Variants in FBXO15 observed in about 807,000 individuals in gnomAD.
FBXO15 encodes the protein F-box only protein 15.
Under a neutral mutation model 49.5 loss-of-function variants are expected in FBXO15, and 30 were observed. The ratio of observed to expected loss-of-function variants is 0.61; its 90% CI spans 0.45 to 0.82. The LOEUF (loss-of-function observed/expected upper bound fraction) is 0.82. FBXO15 is among the 40% of genes least tolerant of loss of function. The pLI is 0.00. For missense variants in FBXO15, 591 were observed against 631.5 expected (o/e 0.94, Z 0.69); for synonymous variants, 250 against 232.7 (o/e 1.07, Z -0.68).
At chr18:74,092,857 G>A (rs969400899) in intron 8 of FBXO15, among the ~76,000 whole-genome samples, 6 of 152,062 alleles carry the variant, frequency 3.9e-5, no homozygotes, top group Non-Finnish European at 8.8e-5. Context: ...GTTTGCATGG[G>A]CGAGCAGCAG....
intron 8 of FBXO15, among the ~76,000 whole-genome samples, chr18:74,088,167 T>G (rs1158243380): frequency 6.6e-6 from 1 of 152,216 alleles, no homozygotes; most frequent in Non-Finnish European, 1.5e-5. Context: ...GTCTGTTTAC[T>G]TGGTTGATAG....
intron 8 of FBXO15, among the ~76,000 whole-genome samples, chr18:74,103,022 G>A (rs1913592412): frequency 6.6e-6 from 1 of 151,740 alleles, no homozygotes; most frequent in South Asian, 2.1e-4. Flanking sequence ...TGAGGAGACG[G>A]GTGCACCAAA....
At chr18:74,106,299 T>C (rs1330309942) in intron 8 of FBXO15, among the ~76,000 whole-genome samples, 2 of 152,144 alleles carry the variant, frequency 1.3e-5, no homozygotes, top group East Asian at 3.8e-4. Context: ...CAACATTAAT[T>C]ACTGACATGC....
chr18:74,124,392 T>C (rs765507159), intron 7 of FBXO15, 97 bp downstream of exon 7: 3 of 968,354 alleles, frequency 3.1e-6, no homozygotes, highest in East Asian at 4.8e-5. Flanking sequence ...AAACAGAATA[T>C]CTCTGCAGCT....
chr18:74,082,548 G>A (rs138220281), intron 8 of FBXO15, among the ~76,000 whole-genome samples: 193 of 152,304 alleles, frequency 1.3e-3, no homozygotes, highest in African/African-American at 4.4e-3. Flanking sequence ...GTGAGAGTCC[G>A]TGCACATGCC....
Position 74,073,493 on chromosome 18 carries a change from T to C in FBXO15, c.1501A>G (p.Lys501Glu), listed in dbSNP as rs774912604. 7.0e-5 allele frequency: 113 copies of C among 1,614,024 alleles called. No homozygotes were observed. The highest frequency in any genetic ancestry group is 9.5e-5 in the Non-Finnish European group (112 of 1,180,020). ...TCAGTCCCAAACCAATGGTTGATTT[T>C]TGCGATACTAAGATAAAGGACCAGG... is the stretch of plus-strand genomic sequence containing the variant. Reference protein sequence around the residue: ...VNLVLYLSIAKINHWFGTEY With the variant: ...VNLVLYLSIAEINHWFGTEY Residue 501 changes from lysine (K) to glutamate (E), a missense_variant, in exon 10 of 10, where the codon AAA becomes GAA. By Grantham distance (56) the Lys-to-Glu change is moderately conservative (BLOSUM62 1). Coordinates refer to ENST00000419743, the MANE Select transcript of FBXO15 (RefSeq NM_001142958.2).
chr18:74,075,118 C>A lies in FBXO15; in HGVS notation c.1264-1388G>T, dbSNP rs1490165975. ...GCAGCTGCACCATCCTCAGCTCGGC[C>A]TGACGGTCCCACCCTGGCTCTCTGG... On this transcript the variant is annotated intron_variant, in intron 9 of 9. Coordinates refer to ENST00000419743, the MANE Select transcript of FBXO15 (RefSeq NM_001142958.2). This position sits in a 1 kb window ranked among gnomAD's most constrained non-coding sequence, Gnocchi z 4.1. Among the ~76,000 whole-genome samples, 1 of 152,182 alleles carries A rather than the reference C, an allele frequency of 6.6e-6. No homozygotes were observed. The highest frequency in any genetic ancestry group is 1.9e-4 in the East Asian group (1 of 5,188).
chr18:74,077,651 G>A (rs2850532), intron 9 of FBXO15, among the ~76,000 whole-genome samples: 1 of 152,112 alleles, frequency 6.6e-6, no homozygotes, highest in Non-Finnish European at 1.5e-5. Flanking sequence ...TGGGGAATAA[G>A]AAAAAACACC....
intron 8 of FBXO15, among the ~76,000 whole-genome samples, chr18:74,115,923 T>C (rs1914212112): frequency 6.6e-6 from 1 of 152,226 alleles, no homozygotes; most frequent in African/African-American, 2.4e-5. Flanking sequence ...CTGTACTTTC[T>C]TGGTCACTGT....
chr18:74,143,443 A>G (rs964824216), intron 1 of FBXO15, among the ~76,000 whole-genome samples: 1 of 152,184 alleles, frequency 6.6e-6, no homozygotes, highest in African/African-American at 2.4e-5. Context: ...GTAAGACAAG[A>G]TACAGTGGTA....
chr18:74,108,943 T>A (rs1913890337), intron 8 of FBXO15, among the ~76,000 whole-genome samples: 1 of 152,068 alleles, frequency 6.6e-6, no homozygotes, highest in Non-Finnish European at 1.5e-5. Flanking sequence ...AATCCACCAA[T>A]GAAGAATTCT....
At chr18:74,095,410 A>G (rs563996058) in intron 8 of FBXO15, among the ~76,000 whole-genome samples, 1 of 152,338 alleles carries the variant, frequency 6.6e-6, no homozygotes, top group African/African-American at 2.4e-5. Flanking sequence ...TTGAATGCTT[A>G]GAGGCCACTG....
chr18:74,097,612 C>G (rs1474141964), intron 8 of FBXO15: 1 of 152,282 alleles, frequency 6.6e-6, no homozygotes, highest in Non-Finnish European at 1.5e-5. Context: ...CAAGACCCAC[C>G]CAAGGAGAGT....
intron 8 of FBXO15, among the ~76,000 whole-genome samples, chr18:74,103,777 C>A (rs1913626861): frequency 6.6e-6 from 1 of 152,064 alleles, no homozygotes; most frequent in Admixed American, 6.6e-5. Context: ...TCTGGAAAAT[C>A]TATCTTTCAA....
At chr18:74,102,469 G>A (rs1186134560) in intron 8 of FBXO15, among the ~76,000 whole-genome samples, 1 of 152,134 alleles carries the variant, frequency 6.6e-6, no homozygotes, top group African/African-American at 2.4e-5. Context: ...TGCTGGCATT[G>A]ATGTGGCACA....
chr18:74,113,048 C>A (rs1448398858), intron 8 of FBXO15, among the ~76,000 whole-genome samples: 1 of 152,216 alleles, frequency 6.6e-6, no homozygotes, highest in African/African-American at 2.4e-5. Context: ...AACTTGGAAG[C>A]AACCAAGATG....
intron 8 of FBXO15, among the ~76,000 whole-genome samples, chr18:74,100,828 G>T (rs1429004211): frequency 6.6e-6 from 1 of 152,080 alleles, no homozygotes; most frequent in African/African-American, 2.4e-5. Context: ...TAAATTCCCG[G>T]AAAGATACAA....
intron 3 of FBXO15, among the ~76,000 whole-genome samples, chr18:74,134,364 G>T (rs1302406898): frequency 2.8e-5 from 4 of 141,648 alleles, no homozygotes; most frequent in East Asian, 2.2e-4. Context: ...ATGACCTGGA[G>T]AATTTTTTTT....
At chr18:74,133,000 A>G (rs1217422626) in intron 3 of FBXO15, among the ~76,000 whole-genome samples, 1 of 152,208 alleles carries the variant, frequency 6.6e-6, no homozygotes, top group Non-Finnish European at 1.5e-5. Context: ...TCACTACACT[A>G]TGTGTGCTTG....
Sources: allele counts gnomAD v4.1 joint callset (sites outside exome capture counted in the v4.1 genomes callset), GRCh38; gene constraint gnomAD v4.1.1; non-coding constraint Gnocchi (gnomAD v3.1); transcripts MANE v1.5; gene names NCBI Gene and HGNC (gene_info 2026-07-23, HGNC 2026-07-21).